Variants in GRID2 observed in about 807,000 individuals in gnomAD.
GRID2 encodes the protein glutamate ionotropic receptor delta type subunit 2.
A neutral mutation model predicts 114.8 loss-of-function variants in GRID2; 33 were observed. That is an observed-to-expected ratio of 0.29 (90% confidence interval 0.22 to 0.38). The LOEUF (loss-of-function observed/expected upper bound fraction) is 0.38. Among genes scored for constraint, GRID2 ranks in the 10% least tolerant of loss-of-function variants. The pLI is 1.00. For synonymous variants in GRID2, 505 were observed against 449.9 expected, an observed-to-expected ratio of 1.12 and a Z score of -1.55; for missense variants, 1,184 against 1,257.7, an observed-to-expected ratio of 0.94 and a Z score of 0.89.
intron 14 of GRID2, among the ~76,000 whole-genome samples, chr4:93,706,271 A>G (rs183864223): frequency 6.6e-6 from 1 of 152,346 alleles, no homozygotes; most frequent in Non-Finnish European, 1.5e-5. Context: ...TGCTTTGGAT[A>G]TAATTGACAT....
chr4:93,259,063 T>C (rs1749952021), intron 8 of GRID2: 1 of 330,718 alleles, frequency 3.0e-6, no homozygotes, highest in Non-Finnish European at 6.1e-6. Flanking sequence ...ATTATAGAGA[T>C]GCTTTGCCTA....
chr4:93,084,850 G>A (rs1185789920), intron 2 of GRID2, 145 bp from the exon 3 acceptor site: 6 of 618,756 alleles, frequency 9.7e-6, no homozygotes, highest in Non-Finnish European at 1.7e-5. Context: ...GTAATTTGAG[G>A]ATCTCCTCAT....
chr4:93,161,333 C>T (rs1737667099), intron 4 of GRID2, among the ~76,000 whole-genome samples: 1 of 151,698 alleles, frequency 6.6e-6, no homozygotes, highest in Non-Finnish European at 1.5e-5. Context: ...TGTAATTTTC[C>T]AGCCTCTCAT....
intron 4 of GRID2, among the ~76,000 whole-genome samples, chr4:93,205,016 A>G (rs1742539738): frequency 6.6e-6 from 1 of 151,950 alleles, no homozygotes; most frequent in African/African-American, 2.4e-5. Flanking sequence ...TGTACAACAT[A>G]TTTCTCTTTA....
chr4:92,461,506 C>T (rs533833447), intron 1 of GRID2, among the ~76,000 whole-genome samples: 3 of 152,000 alleles, frequency 2.0e-5, no homozygotes, highest in African/African-American at 7.2e-5. Flanking sequence ...AATATGCTTT[C>T]TCGATATCTT....
intron 2 of GRID2, among the ~76,000 whole-genome samples, chr4:92,942,153 A>G (rs1021872260): frequency 6.6e-6 from 1 of 152,062 alleles, no homozygotes; most frequent in Non-Finnish European, 1.5e-5. Context: ...TGATCTGTCT[A>G]ATGTTGACAG....
intron 2 of GRID2, among the ~76,000 whole-genome samples, chr4:92,886,953 A>G (rs1746416187): frequency 6.6e-6 from 1 of 152,164 alleles, no homozygotes. Context: ...TTTGGGGGAA[A>G]AAAAAAACTG....
chr4:92,652,196 G>A (rs1731967607), intron 2 of GRID2, among the ~76,000 whole-genome samples: 2 of 152,028 alleles, frequency 1.3e-5, no homozygotes, highest in Admixed American at 1.3e-4. Flanking sequence ...GATTGTCAAT[G>A]TATTGGATGA....
At chr4:93,231,272 T>G (rs1420907903) in intron 7 of GRID2, among the ~76,000 whole-genome samples, 1 of 151,870 alleles carries the variant, frequency 6.6e-6, no homozygotes, top group Admixed American at 6.6e-5. Flanking sequence ...ACTGAAACAA[T>G]TTTCAACAGG....
chr4:93,346,659 A>G (rs180756191), intron 8 of GRID2, among the ~76,000 whole-genome samples: 14 of 152,260 alleles, frequency 9.2e-5, no homozygotes, highest in Admixed American at 9.2e-4. Flanking sequence ...TTTTTAGAGT[A>G]AAATATCTTT....
rs1272323842 is a variant in GRID2 at position 93,185,938 on chromosome 4, G to T, written c.736-21466G>T. On this transcript the variant is annotated intron_variant, in intron 4 of 15. Coordinates refer to ENST00000282020, the MANE Select transcript of GRID2 (RefSeq NM_001510.4). ...CAGGCCCCAGTGTGTGATGTTTCCC[G>T]CCCTGTGTCCAAGTGTTCTCATTGT... is the stretch of plus-strand genomic sequence containing the variant. Among the ~76,000 whole-genome samples, 9 of 151,402 alleles carry T rather than the reference G, an allele frequency of 5.9e-5. No individual in the cohort carries two copies. In the South Asian group the frequency reaches 1.5e-3, roughly 25 times the overall value.
intron 2 of GRID2, among the ~76,000 whole-genome samples, chr4:92,874,228 G>A (rs1247584842): frequency 2.0e-5 from 3 of 152,122 alleles, no homozygotes; most frequent in African/African-American, 7.2e-5. Context: ...ATTTCGTCTT[G>A]TTTTACTTTA....
At position 93,124,120 on chromosome 4, in the gene GRID2, A is replaced by G. The variant is rs935668729; in HGVS notation, c.735+13167A>G. Among the ~76,000 whole-genome samples, 121 of 151,478 alleles carry G rather than the reference A, an allele frequency of 8.0e-4. 1 individual carries two copies. The highest frequency in any genetic ancestry group is 2.8e-3 in the African/African-American group (114 of 41,288). ...TTAAAGTATAATAAAAAAAAAAGAA[A>G]AAAAAAAAAGATAAATTTGAAAATG... On this transcript the variant is annotated intron_variant, in intron 4 of 15. Coordinates refer to ENST00000282020, the MANE Select transcript of GRID2 (RefSeq NM_001510.4).
chr4:93,561,427 A>G (rs1230284093), intron 13 of GRID2, among the ~76,000 whole-genome samples: 3 of 152,118 alleles, frequency 2.0e-5, no homozygotes, highest in Non-Finnish European at 4.4e-5. Flanking sequence ...AGGAAGGTAT[A>G]GAGATTTTCC....
intron 8 of GRID2, among the ~76,000 whole-genome samples, chr4:93,275,859 G>A (rs1348490888): frequency 6.6e-6 from 1 of 151,608 alleles, no homozygotes; most frequent in Non-Finnish European, 1.5e-5. Context: ...ATATAAATTG[G>A]ATATAAATCC....
At chr4:92,527,823 A>G (rs1040700913) in intron 1 of GRID2, among the ~76,000 whole-genome samples, 6 of 152,070 alleles carry the variant, frequency 3.9e-5, no homozygotes, top group Non-Finnish European at 7.4e-5. Flanking sequence ...ACTTTACTAA[A>G]TAATATTATT....
At chr4:93,682,672 A>G (rs1725681130) in intron 14 of GRID2, among the ~76,000 whole-genome samples, 1 of 152,022 alleles carries the variant, frequency 6.6e-6, no homozygotes, top group African/African-American at 2.4e-5. Flanking sequence ...TCAGTAAACT[A>G]TTGCAAAGAC....
At chr4:93,578,353 T>C (rs1736616274) in intron 13 of GRID2, among the ~76,000 whole-genome samples, 1 of 152,102 alleles carries the variant, frequency 6.6e-6, no homozygotes, top group Non-Finnish European at 1.5e-5. Context: ...AGCCTTATCA[T>C]AGACACAGAT....
intron 1 of GRID2, among the ~76,000 whole-genome samples, chr4:92,315,979 AC>A (rs1436613458): frequency 6.7e-6 from 1 of 149,116 alleles, no homozygotes; most frequent in East Asian, 2.0e-4. Context: ...TCAAAAAAAA[AC>A]AAAAACAAAA....
Sources: gnomAD v4.1 joint callset for allele counts (sites outside exome capture counted in the v4.1 genomes callset) on GRCh38, gnomAD v4.1.1 for gene constraint, MANE v1.5 for transcripts, NCBI Gene and HGNC (gene_info 2026-07-23, HGNC 2026-07-21) for gene names.